Variants in LY96 observed in about 807,000 individuals in gnomAD.
LY96 encodes the protein myeloid differentiation protein-2.
A neutral mutation model predicts 18.9 loss-of-function variants in LY96; 18 were observed. The ratio of observed to expected loss-of-function variants is 0.95; its 90% CI spans 0.66 to 1.41. The LOEUF is 1.41. Among genes scored for constraint, LY96 ranks in the 40% most tolerant of loss-of-function variants. The probability of loss-of-function intolerance (pLI) is 0.00; values close to 1 mark genes in which losing one functional copy is unlikely to be tolerated. For missense variants in LY96, 175 were observed against 182.4 expected (o/e 0.96, Z 0.23); for synonymous variants, 66 against 62.6 (o/e 1.06, Z -0.26).
At chr8:74,086,564 A>G in the LY96 span, among the ~76,000 whole-genome samples, 1 of 152,236 alleles carries the variant, frequency 6.6e-6, no homozygotes, top group Non-Finnish European at 1.5e-5. Context: ...AAAGCTTGAC[A>G]AAAATGGTCG....
intron 1 of LY96, among the ~76,000 whole-genome samples, chr8:73,997,187 T>C (rs1466248284): frequency 6.6e-6 from 1 of 152,228 alleles, no homozygotes; most frequent in Non-Finnish European, 1.5e-5. Flanking sequence ...GTCTTCTCCA[T>C]CTCATCATCC....
chr8:74,007,194 T>C (rs1352393425), intron 2 of LY96, among the ~76,000 whole-genome samples: 1 of 152,080 alleles, frequency 6.6e-6, no homozygotes, highest in African/African-American at 2.4e-5. Flanking sequence ...GCTGGATCAT[T>C]ATAGGAGCAG....
At chr8:74,071,274 C>T in the LY96 span, among the ~76,000 whole-genome samples, 1 of 150,610 alleles carries the variant, frequency 6.6e-6, no homozygotes, top group African/African-American at 2.4e-5. Flanking sequence ...TAGAAGCAAA[C>T]CTTTTGAAAT....
the LY96 span, among the ~76,000 whole-genome samples, chr8:74,065,957 AATTCAAAACTATCTGGAC>A: frequency 6.6e-6 from 1 of 152,376 alleles, no homozygotes; most frequent in South Asian, 2.1e-4. Flanking sequence ...CATGCAGGAC[AATTCAAAACTATCTGGAC>A]ATTCTATGTC....
chr8:74,034,229 A>G, the LY96 span, among the ~76,000 whole-genome samples: 1 of 152,066 alleles, frequency 6.6e-6, no homozygotes, highest in Non-Finnish European at 1.5e-5. Flanking sequence ...AAAATTAGCC[A>G]GGTGTGGTGG....
intron 3 of LY96, among the ~76,000 whole-genome samples, chr8:74,014,670 G>A (rs10104235): frequency 0.053 from 8,025 of 151,828 alleles, 680 homozygotes; most frequent in African/African-American, 0.18. Context: ...TTTGGGAGTC[G>A]AATTTGCAAG....
chr8:74,086,423 A>C, the LY96 span, among the ~76,000 whole-genome samples: 1 of 152,228 alleles, frequency 6.6e-6, no homozygotes, highest in Non-Finnish European at 1.5e-5. Flanking sequence ...TGAAGACTAC[A>C]TGGAGGCCTG....
intron 1 of LY96, among the ~76,000 whole-genome samples, chr8:73,991,778 C>A (rs1816009720): frequency 6.6e-6 from 1 of 152,146 alleles, no homozygotes. Flanking sequence ...TGTGCTTGAC[C>A]TCCAAGTGCT....
chr8:74,072,608 A>G, the LY96 span, among the ~76,000 whole-genome samples: 1 of 152,262 alleles, frequency 6.6e-6, no homozygotes, highest in African/African-American at 2.4e-5. Flanking sequence ...GGAGGCAGAT[A>G]TGCTCATTTT....
chr8:74,073,471 A>G, the LY96 span, among the ~76,000 whole-genome samples: 1 of 152,200 alleles, frequency 6.6e-6, no homozygotes, highest in East Asian at 1.9e-4. Context: ...CTGAAATTCC[A>G]GAGCACAGCC....
chr8:74,042,191 T>A, the LY96 span, among the ~76,000 whole-genome samples: 1 of 152,198 alleles, frequency 6.6e-6, no homozygotes, highest in Non-Finnish European at 1.5e-5. Context: ...AAGGCATGCA[T>A]GCATTACTGT....
chr8:74,003,470 T>C (rs1182175669), intron 1 of LY96, among the ~76,000 whole-genome samples: 10 of 152,356 alleles, frequency 6.6e-5, no homozygotes, highest in African/African-American at 2.4e-4. Flanking sequence ...ATGTCTGTTA[T>C]CTAGGTTTTG....
the LY96 span, among the ~76,000 whole-genome samples, chr8:74,092,869 C>T: frequency 6.6e-6 from 1 of 152,216 alleles, no homozygotes; most frequent in Non-Finnish European, 1.5e-5. Flanking sequence ...GCCACAGCTC[C>T]ACTTTAAGTC....
At chr8:73,993,863 G>A (rs1816065150) in intron 1 of LY96, among the ~76,000 whole-genome samples, 1 of 152,216 alleles carries the variant, frequency 6.6e-6, no homozygotes, top group South Asian at 2.1e-4. Flanking sequence ...ACAGATATGA[G>A]CCACTGCACC....
At chr8:74,064,830 C>T in the LY96 span, among the ~76,000 whole-genome samples, 4 of 152,164 alleles carry the variant, frequency 2.6e-5, no homozygotes, top group Non-Finnish European at 5.9e-5. Flanking sequence ...CAGAAGAAGA[C>T]ACACAGTGTA....
At chr8:73,995,375 G>T (rs935477946) in intron 1 of LY96, among the ~76,000 whole-genome samples, 1 of 152,208 alleles carries the variant, frequency 6.6e-6, no homozygotes, top group African/African-American at 2.4e-5. Context: ...CTCTGTGTGT[G>T]CACATCCCTG....
chr8:74,024,702 A>G (rs1816832539), intron 3 of LY96, among the ~76,000 whole-genome samples: 1 of 152,222 alleles, frequency 6.6e-6, no homozygotes, highest in Non-Finnish European at 1.5e-5. Flanking sequence ...CCCCAGAGCC[A>G]TCACTCTTAC....
chr8:74,090,689 T>A, the LY96 span, among the ~76,000 whole-genome samples: 1 of 152,178 alleles, frequency 6.6e-6, no homozygotes, highest in Non-Finnish European at 1.5e-5. Context: ...AACTTGGCAA[T>A]GTGAGAGGAG....
the LY96 span, among the ~76,000 whole-genome samples, chr8:74,041,926 T>C: frequency 6.6e-6 from 1 of 152,234 alleles, no homozygotes; most frequent in African/African-American, 2.4e-5. Flanking sequence ...TCCCTGTTCT[T>C]GCACCCCCTC....
Sources: gnomAD v4.1 joint callset for allele counts (sites outside exome capture counted in the v4.1 genomes callset) on GRCh38, gnomAD v4.1.1 for gene constraint, MANE v1.5 for transcripts, NCBI Gene and HGNC (gene_info 2026-07-23, HGNC 2026-07-21) for gene names.